Variants in CBFA2T3 observed in about 807,000 individuals in gnomAD.
The protein encoded by CBFA2T3 is CBFA2/RUNX1 partner transcriptional co-repressor 3.
A neutral mutation model predicts 58.6 loss-of-function variants in CBFA2T3; 31 were observed. The ratio of observed to expected loss-of-function variants is 0.53; its 90% CI spans 0.40 to 0.71. The LOEUF (loss-of-function observed/expected upper bound fraction) is 0.71. CBFA2T3 is among the 30% of genes least tolerant of loss of function. CBFA2T3 has a pLI of 0.00. For synonymous variants in CBFA2T3, 531 were observed against 421.9 expected, an observed-to-expected ratio of 1.26 and a Z score of -3.17; for missense variants, 1,076 against 963.1, an observed-to-expected ratio of 1.12 and a Z score of -1.55.
rs561502470 is a variant in CBFA2T3 at position 88,918,777 on chromosome 16, A to T, written c.152-17121T>A. Among the ~76,000 whole-genome samples the T allele has an allele frequency of 3.1e-3, 478 of 152,304 alleles. 4 individuals are homozygous for T. Among genetic ancestry groups the T allele is most frequent in the African/African-American group, 0.011 (465 of 41,560 alleles). ...CCCACATGGCCCAGCCCGGCCTCCCACGGCAGGGGGTGCCGAGAACCTTGG... is the reference window on the plus strand; with the variant it reads ...CCCACATGGCCCAGCCCGGCCTCCCTCGGCAGGGGGTGCCGAGAACCTTGG... On this transcript the variant is annotated intron_variant, in intron 1 of 11. Transcript: ENST00000268679.
intron 1 of CBFA2T3, among the ~76,000 whole-genome samples, chr16:88,921,503 G>C (rs906144374): frequency 6.6e-6 from 1 of 152,002 alleles, no homozygotes; most frequent in Non-Finnish European, 1.5e-5. Flanking sequence ...CCCTCTTCCC[G>C]GGATCTCCCT....
intron 1 of CBFA2T3, among the ~76,000 whole-genome samples, chr16:88,949,572 A>G (rs1240294263): frequency 2.0e-5 from 3 of 151,796 alleles, no homozygotes; most frequent in Non-Finnish European, 4.4e-5. Flanking sequence ...AAAAAAAAAA[A>G]AGAAAAAGAA....
At position 88,875,020 on chromosome 16, in the gene CBFA2T3, T is replaced by C. The variant is rs991234606; in HGVS notation, c.*1956A>G. 1 of 234,372 alleles carries C rather than the reference T, an allele frequency of 4.3e-6. No homozygotes were observed. The highest frequency in any genetic ancestry group is 6.0e-5 in the East Asian group (1 of 16,598). The allele number at this position is 234,372 out of a possible 1,614,324, so 14.5% of individuals were successfully genotyped here. A position where few individuals can be genotyped will look rare whatever the true frequency, so the allele number is the denominator to read the frequency against. On this transcript the variant is annotated 3_prime_UTR_variant, in exon 12 of 12. Transcript: ENST00000268679. ...GTTCAGTAGCTGGGTCACTCCCGTA[T>C]TGCACTGAGTTCCTAGAACTCCTGA...
chr16:88,882,091 T>C (rs1905075233), intron 8 of CBFA2T3, among the ~76,000 whole-genome samples: 1 of 152,222 alleles, frequency 6.6e-6, no homozygotes, highest in Admixed American at 6.5e-5. Context: ...TCCTCCTCCC[T>C]GGGCCTCTCG....
At chr16:88,939,136 G>A (rs1971615485) in intron 1 of CBFA2T3, 1 of 152,236 alleles carries the variant, frequency 6.6e-6, no homozygotes, top group Non-Finnish European at 1.5e-5. Flanking sequence ...AAACCAGAGA[G>A]ATTTCCTGGA....
intron 1 of CBFA2T3, among the ~76,000 whole-genome samples, chr16:88,975,120 G>GACCCTCTGCTCCTCACCTGCA (rs1567643739): frequency 9.3e-6 from 1 of 107,992 alleles, no homozygotes; most frequent in Admixed American, 1.0e-4. Flanking sequence ...AGGCCACCCT[G>GACCCTCTGCTCCTCACCTGCA]GCCCTCTGCT....
chr16:88,893,164 C>T (rs927192255), intron 3 of CBFA2T3, among the ~76,000 whole-genome samples: 2 of 151,954 alleles, frequency 1.3e-5, no homozygotes, highest in African/African-American at 4.8e-5. Flanking sequence ...AATCAGGCAT[C>T]TCCCAGCCCT....
chr16:88,898,038 G>A lies in CBFA2T3; in HGVS notation c.379+40C>T, dbSNP rs369579271. The stretch of plus-strand genomic sequence containing the variant: ...GGCCAGCTGAGGATGCTGCGGTGAA[G>A]ACCTCTGGGGAGGCCTGCGGTTTTT... On this transcript the variant is annotated intron_variant, in intron 3 of 11. Transcript: ENST00000268679. 8 of 1,448,912 alleles carry A rather than the reference G, an allele frequency of 5.5e-6. No homozygotes were observed. The Admixed American group carries it at 1.2e-4, about 21-fold the overall frequency. The allele number at this position is 1,448,912 out of a possible 1,614,324, so 89.8% of individuals were successfully genotyped here.
chr16:88,891,431 C>T (rs536573596), intron 5 of CBFA2T3, among the ~76,000 whole-genome samples: 78 of 152,300 alleles, frequency 5.1e-4, no homozygotes, highest in African/African-American at 1.7e-3. Flanking sequence ...GGCTGTGGAC[C>T]GAACGCCTTC....
chr16:88,909,272 T>C (rs1324874105), intron 1 of CBFA2T3, among the ~76,000 whole-genome samples: 1 of 152,182 alleles, frequency 6.6e-6, no homozygotes, highest in Non-Finnish European at 1.5e-5. Flanking sequence ...CCCAGAACAG[T>C]GCTGTGCCTC....
At position 88,953,089 on chromosome 16, in the gene CBFA2T3, C is replaced by G. The variant is rs985321961; in HGVS notation, c.151+23568G>C. The stretch of plus-strand genomic sequence containing the variant: ...CCCACGAGAAAAAACACAACCTGGT[C>G]TCCGTCTGCCGGTTAGATCGGCCCC... On this transcript the variant is annotated intron_variant, in intron 1 of 11. Transcript: ENST00000268679. The surrounding 1 kb of genome is among the most constrained non-coding windows in gnomAD (Gnocchi z 4.9). Among the ~76,000 whole-genome samples the G allele has an allele frequency of 6.6e-6, 1 of 152,214 alleles. No individual in the cohort carries two copies. The highest frequency in any genetic ancestry group is 2.4e-5 in the African/African-American group (1 of 41,446).
At chr16:88,959,288 C>G (rs1370217435) in intron 1 of CBFA2T3, among the ~76,000 whole-genome samples, 1 of 152,184 alleles carries the variant, frequency 6.6e-6, no homozygotes, top group Non-Finnish European at 1.5e-5. Flanking sequence ...GTGGTGGGGA[C>G]AGGGCATGAC....
intron 9 of CBFA2T3, 181 bp from the exon 10 acceptor site, chr16:88,880,969 G>A (rs1401656116): frequency 2.8e-5 from 19 of 674,536 alleles, no homozygotes; most frequent in Non-Finnish European, 4.5e-5. Context: ...CGGGCACGGG[G>A]GGCATTGGAG....
At position 88,892,492 on chromosome 16, in the gene CBFA2T3, G is replaced by T; in HGVS notation, c.380-7C>A. On this transcript the variant is annotated splice_region_variant and splice_polypyrimidine_tract_variant and intron_variant, in intron 3 of 11. Coordinates refer to ENST00000268679, the MANE Select transcript of CBFA2T3 (RefSeq NM_005187.6). Reference sequence around the variant, plus strand: ...TGGCTGCTGCCGTTCATCACTGCAGGAGGGAAGCGGACATGAGGACACAAA... The same window carrying T: ...TGGCTGCTGCCGTTCATCACTGCAGTAGGGAAGCGGACATGAGGACACAAA... 4 of 1,611,128 alleles carry T rather than the reference G, an allele frequency of 2.5e-6. No individual in the cohort carries two copies. Among genetic ancestry groups the T allele is most frequent in the Non-Finnish European group, 3.4e-6 (4 of 1,180,012 alleles).
chr16:88,885,882 C>T lies in CBFA2T3; in HGVS notation c.893+79G>A. On this transcript the variant is annotated intron_variant, in intron 6 of 11. Transcript: ENST00000268679. This position sits in a 1 kb window ranked among gnomAD's most constrained non-coding sequence, Gnocchi z 5.3. Reference sequence around the variant, plus strand: ...CTGGCTGCAGCCCCAGAGGAGGTTCCCTCTCTTACCCAGAGGGGAGCAGGG... The same window carrying T: ...CTGGCTGCAGCCCCAGAGGAGGTTCTCTCTCTTACCCAGAGGGGAGCAGGG... The T allele has an allele frequency of 1.5e-6, 2 of 1,308,626 alleles. No homozygotes were observed. The highest frequency in any genetic ancestry group is 2.1e-6 in the Non-Finnish European group (2 of 948,974). The allele number at this position is 1,308,626 out of a possible 1,614,324, so 81.1% of individuals were successfully genotyped here. A position where few individuals can be genotyped will look rare whatever the true frequency, so the allele number is the denominator to read the frequency against.
At chr16:88,948,271 A>G (rs554520248) in intron 1 of CBFA2T3, among the ~76,000 whole-genome samples, 2 of 152,354 alleles carry the variant, frequency 1.3e-5, no homozygotes, top group South Asian at 4.1e-4. Context: ...ATGCAAAGAC[A>G]AGAAATCAGC....
intron 5 of CBFA2T3, among the ~76,000 whole-genome samples, chr16:88,889,416 G>C (rs1167768437): frequency 1.5e-5 from 2 of 136,824 alleles, no homozygotes; most frequent in African/African-American, 5.2e-5. Context: ...CGGGAGGGAG[G>C]GAGCGAGGGT....
In CBFA2T3 at chr16:88,891,367, A is replaced by T. The variant is rs72815503; in HGVS notation, c.711+515T>A. Among the ~76,000 whole-genome samples, 180 of 152,030 alleles carry T rather than the reference A, an allele frequency of 1.2e-3. 8 individuals are homozygous for T. In the South Asian group the frequency reaches 0.037, roughly 31 times the overall value. On this transcript the variant is annotated intron_variant, in intron 5 of 11. Transcript: ENST00000268679. ...CTCAGCCCTCACCAACACGCCTCCA[A>T]GCAAAGGACTTTCGGAATACTTCTC...
intron 3 of CBFA2T3, among the ~76,000 whole-genome samples, chr16:88,895,248 CCTCT>C (rs1361419394): frequency 6.6e-6 from 1 of 152,194 alleles, no homozygotes; most frequent in African/African-American, 2.4e-5. Context: ...GGGGTCAGGC[CCTCT>C]CTAAGTGTCC....
Sources: gnomAD v4.1 joint callset for allele counts (sites outside exome capture counted in the v4.1 genomes callset) on GRCh38, gnomAD v4.1.1 for gene constraint, Gnocchi (gnomAD v3.1) non-coding constraint, MANE v1.5 for transcripts, NCBI Gene and HGNC (gene_info 2026-07-23, HGNC 2026-07-21) for gene names.